Variants in CREB5 observed in about 807,000 individuals in gnomAD.
The protein encoded by CREB5 is cAMP responsive element binding protein 5, also known as cyclic AMP-responsive element-binding protein 5.
CREB5 carries 19 observed loss-of-function variants against 57.1 expected under a neutral mutation model. The ratio of observed to expected loss-of-function variants is 0.33; its 90% CI spans 0.23 to 0.49. The LOEUF (loss-of-function observed/expected upper bound fraction) is 0.49. CREB5 is among the 20% of genes least tolerant of loss of function. The pLI is 0.99. For missense variants in CREB5, 579 were observed against 671.6 expected, an observed-to-expected ratio of 0.86 and a Z score of 1.52; for synonymous variants, 238 against 238.3, an observed-to-expected ratio of 1.00 and a Z score of 0.01.
chr7:28,687,426 TACTCAGAGAGAGAG>T (rs943032651), intron 5 of CREB5, among the ~76,000 whole-genome samples: 1 of 151,650 alleles, frequency 6.6e-6, no homozygotes, highest in Non-Finnish European at 1.5e-5. Flanking sequence ...GGATCTCGTG[TACTCAGAGAGAGAG>T]ACTTTGATGT....
At chr7:28,513,003 G>A (rs1792779171) in intron 4 of CREB5, among the ~76,000 whole-genome samples, 1 of 152,214 alleles carries the variant, frequency 6.6e-6, no homozygotes, top group South Asian at 2.1e-4. Flanking sequence ...AGCTCAACAG[G>A]AGTCACAGAA....
chr7:28,634,608 C>T (rs78881028), intron 5 of CREB5, among the ~76,000 whole-genome samples: 2,104 of 152,092 alleles, frequency 0.014, 54 homozygotes, highest in African/African-American at 0.049. Flanking sequence ...CTTGGGTTGT[C>T]AAAATTGTAA....
At chr7:28,475,740 C>T (rs1165329154) in intron 1 of CREB5, among the ~76,000 whole-genome samples, 1 of 152,120 alleles carries the variant, frequency 6.6e-6, no homozygotes, top group Non-Finnish European at 1.5e-5. Flanking sequence ...TCCTGCCTGG[C>T]TGGGGTTCAG....
chr7:28,658,402 G>A (rs904254928), intron 5 of CREB5, among the ~76,000 whole-genome samples: 5 of 152,158 alleles, frequency 3.3e-5, no homozygotes, highest in Admixed American at 1.3e-4. Context: ...TGCTTTAAAG[G>A]CTTTGTTGTT....
At chr7:28,711,877 A>AT (rs1420014560) in intron 5 of CREB5, among the ~76,000 whole-genome samples, 2 of 152,202 alleles carry the variant, frequency 1.3e-5, no homozygotes, top group Non-Finnish European at 2.9e-5. Flanking sequence ...GCAAGCCATA[A>AT]TTTTTTATTG....
intron 5 of CREB5, among the ~76,000 whole-genome samples, chr7:28,633,004 A>G (rs1468119507): frequency 1.3e-5 from 2 of 152,224 alleles, no homozygotes; most frequent in Non-Finnish European, 2.9e-5. Flanking sequence ...TTGAGTGATA[A>G]CAAGAGCTAA....
intron 7 of CREB5, among the ~76,000 whole-genome samples, chr7:28,793,583 G>A (rs1318327531): frequency 6.6e-6 from 1 of 152,212 alleles, no homozygotes; most frequent in Non-Finnish European, 1.5e-5. Flanking sequence ...CAAAGTTTAA[G>A]CATCAGTTAT....
At chr7:28,765,083 G>C (rs1419647874) in intron 7 of CREB5, among the ~76,000 whole-genome samples, 1 of 152,182 alleles carries the variant, frequency 6.6e-6, no homozygotes, top group Non-Finnish European at 1.5e-5. Context: ...CTGTATTTAT[G>C]TTACTGACAT....
intron 4 of CREB5, among the ~76,000 whole-genome samples, chr7:28,557,708 G>A (rs2128637524): frequency 6.6e-6 from 1 of 152,264 alleles, no homozygotes; most frequent in Non-Finnish European, 1.5e-5. Context: ...ATGAGGGAAG[G>A]AACTGGGGAT....
intron 1 of CREB5, among the ~76,000 whole-genome samples, chr7:28,359,553 A>G (rs1461334343): frequency 1.3e-5 from 2 of 152,226 alleles, no homozygotes; most frequent in African/African-American, 4.8e-5. Flanking sequence ...ATTTCATACC[A>G]TATACAAACA....
At chr7:28,724,081 T>G (rs1412602211) in intron 6 of CREB5, 141 bp from the exon 7 acceptor site, 22 of 671,666 alleles carry the variant, frequency 3.3e-5, no homozygotes, top group Non-Finnish European at 5.1e-5. Flanking sequence ...AGGGCATTGC[T>G]TACCACACAC....
At chr7:28,334,677 T>G (rs1785785389) in intron 1 of CREB5, among the ~76,000 whole-genome samples, 1 of 152,188 alleles carries the variant, frequency 6.6e-6, no homozygotes, top group African/African-American at 2.4e-5. Flanking sequence ...TTGTTTCCTT[T>G]GTTGTGCAGA....
chr7:28,590,317 G>T (rs1796452828), intron 5 of CREB5, among the ~76,000 whole-genome samples: 1 of 151,928 alleles, frequency 6.6e-6, no homozygotes, highest in Admixed American at 6.6e-5. Flanking sequence ...AGAAAATGTG[G>T]CACATATACA....
chr7:28,336,217 G>A (rs1785819307), intron 1 of CREB5, among the ~76,000 whole-genome samples: 1 of 152,046 alleles, frequency 6.6e-6, no homozygotes, highest in Admixed American at 6.6e-5. Flanking sequence ...CTTAGAATTA[G>A]TTTGAAAGTA....
chr7:28,657,433 T>C (rs559038201), intron 5 of CREB5, among the ~76,000 whole-genome samples: 16 of 152,192 alleles, frequency 1.1e-4, no homozygotes, highest in Non-Finnish European at 1.9e-4. Flanking sequence ...GGCCTACACT[T>C]CAAGAATAAA....
At chr7:28,311,136 T>TGCAAAAAAAAAA (rs1785268832) in intron 1 of CREB5, among the ~76,000 whole-genome samples, 1 of 10,870 alleles carries the variant, frequency 9.2e-5, no homozygotes, top group Non-Finnish European at 3.4e-4. Flanking sequence ...CTACTAAAAA[T>TGCAAAAAAAAAA]ACAAAAAAAA....
chr7:28,348,843 G>A (rs1786128973), intron 1 of CREB5, among the ~76,000 whole-genome samples: 1 of 152,220 alleles, frequency 6.6e-6, no homozygotes, highest in African/African-American at 2.4e-5. Context: ...GCGGCTGTGT[G>A]TGCCAGCCTC....
intron 1 of CREB5, among the ~76,000 whole-genome samples, chr7:28,436,072 AT>A (rs1788949033): frequency 1.3e-5 from 2 of 151,426 alleles, no homozygotes; most frequent in Admixed American, 6.6e-5. Flanking sequence ...CTTTTGTTTT[AT>A]TTTAAAGTGG....
At position 28,651,496 on chromosome 7, in the gene CREB5, C is replaced by CT. The variant is rs746214001; in HGVS notation, c.465-67254dup. Among the ~76,000 whole-genome samples, 5 of 152,262 alleles carry CT rather than the reference C, an allele frequency of 3.3e-5. No individual in the cohort carries two copies. In the South Asian group the frequency reaches 6.2e-4, roughly 19 times the overall value. ...GTGGCTCATGCCTGTAATCTCAGCA[C>CT]TTTGAGAGGCCAAGGTGGCAGGATC... On this transcript the variant is annotated intron_variant, in intron 5 of 10. Transcript: ENST00000357727.
Sources: gnomAD v4.1 joint callset for allele counts (sites outside exome capture counted in the v4.1 genomes callset) on GRCh38, gnomAD v4.1.1 for gene constraint, MANE v1.5 for transcripts, NCBI Gene and HGNC (gene_info 2026-07-23, HGNC 2026-07-21) for gene names.